Variants in SOX5 observed in about 807,000 individuals in gnomAD.
The protein encoded by SOX5 is SRY-box transcription factor 5.
A neutral mutation model predicts 92.0 loss-of-function variants in SOX5; 9 were observed. That is an observed-to-expected ratio of 0.10 (90% CI 0.06 to 0.17). SOX5 has a LOEUF of 0.17. SOX5 is among the 10% of genes least tolerant of loss of function. SOX5 has a pLI of 1.00. For missense variants in SOX5, 642 were observed against 944.5 expected, an observed-to-expected ratio of 0.68 and a Z score of 4.20; for synonymous variants, 344 against 336.3, an observed-to-expected ratio of 1.02 and a Z score of -0.25.
At chr12:23,631,626 G>A (rs563338758) in intron 8 of SOX5, among the ~76,000 whole-genome samples, 1 of 152,042 alleles carries the variant, frequency 6.6e-6, no homozygotes, top group Non-Finnish European at 1.5e-5. Context: ...TCAAGGAATG[G>A]GCATGGACTT....
intron 2 of SOX5, among the ~76,000 whole-genome samples, chr12:24,365,600 GA>G (rs1241754942): frequency 1.4e-5 from 2 of 142,298 alleles, no homozygotes; most frequent in South Asian, 2.2e-4. Context: ...TGGATAAGAA[GA>G]AAAAAAATCA....
chr12:24,484,917 C>A (rs1430314811), intron 1 of SOX5, among the ~76,000 whole-genome samples: 1 of 152,064 alleles, frequency 6.6e-6, no homozygotes, highest in African/African-American at 2.4e-5. Context: ...TACTAGAGAT[C>A]ATTTTTAAAA....
intron 1 of SOX5, among the ~76,000 whole-genome samples, chr12:24,542,254 G>A (rs994845023): frequency 3.9e-5 from 6 of 152,090 alleles, no homozygotes; most frequent in Non-Finnish European, 7.4e-5. Context: ...AGATTTGTAC[G>A]TGCTGTTCTC....
At chr12:23,643,874 A>G (rs189028853) in intron 7 of SOX5, among the ~76,000 whole-genome samples, 9 of 152,248 alleles carry the variant, frequency 5.9e-5, no homozygotes, top group Non-Finnish European at 2.9e-5. Flanking sequence ...CTCGCTTTTC[A>G]ATGCAAGATT....
chr12:23,630,713 C>G (rs2078426651), intron 8 of SOX5, among the ~76,000 whole-genome samples: 1 of 151,894 alleles, frequency 6.6e-6, no homozygotes, highest in African/African-American at 2.4e-5. Flanking sequence ...ACCCACTTTA[C>G]AGACAAGAAA....
At chr12:24,242,637 C>A in intron 3 of SOX5, among the ~76,000 whole-genome samples, 1 of 131,488 alleles carries the variant, frequency 7.6e-6, no homozygotes. Context: ...ATGAAAACTC[C>A]AATAAGATAT....
chr12:23,913,107 G>A (rs979289520), intron 1 of SOX5, among the ~76,000 whole-genome samples: 1 of 152,120 alleles, frequency 6.6e-6, no homozygotes, highest in African/African-American at 2.4e-5. Context: ...AAGCCTCACA[G>A]TTAGAAAGTG....
intron 4 of SOX5, among the ~76,000 whole-genome samples, chr12:24,073,398 C>T (rs1005251438): frequency 1.3e-5 from 2 of 152,188 alleles, no homozygotes; most frequent in African/African-American, 2.4e-5. Context: ...ACAATCTTGA[C>T]TCTAATCTTT....
At chr12:23,763,668 G>C (rs1433966227) in intron 3 of SOX5, among the ~76,000 whole-genome samples, 3 of 149,256 alleles carry the variant, frequency 2.0e-5, no homozygotes, top group Non-Finnish European at 4.5e-5. Flanking sequence ...TTTTTTCTTT[G>C]TTTGACAGTT....
At chr12:23,910,653 G>C (rs2097341831) in intron 1 of SOX5, among the ~76,000 whole-genome samples, 1 of 151,924 alleles carries the variant, frequency 6.6e-6, no homozygotes, top group Non-Finnish European at 1.5e-5. Context: ...TCTATTTCAG[G>C]GTGCCTTTTG....
At chr12:24,246,384 AT>A (rs1010336968) in intron 3 of SOX5, among the ~76,000 whole-genome samples, 2 of 152,130 alleles carry the variant, frequency 1.3e-5, no homozygotes, top group African/African-American at 4.8e-5. Flanking sequence ...TTAAAAAAAA[AT>A]TCAAGGAAAT....
intron 4 of SOX5, among the ~76,000 whole-genome samples, chr12:24,163,828 C>A (rs898888024): frequency 6.6e-6 from 1 of 152,024 alleles, no homozygotes; most frequent in East Asian, 1.9e-4. Flanking sequence ...TCTGTCTTTG[C>A]CCATTTCTTT....
chr12:24,101,451 C>A (rs1946083113), intron 4 of SOX5, among the ~76,000 whole-genome samples: 1 of 152,106 alleles, frequency 6.6e-6, no homozygotes, highest in African/African-American at 2.4e-5. Context: ...TCGTTTCAAT[C>A]TACAATTACC....
intron 3 of SOX5, among the ~76,000 whole-genome samples, chr12:24,219,042 A>G (rs1436788004): frequency 6.6e-6 from 1 of 152,110 alleles, no homozygotes; most frequent in Admixed American, 6.5e-5. Context: ...AGAATTTTGT[A>G]AAACCATAGA....
chr12:24,128,034 G>T (rs988741329), intron 4 of SOX5, among the ~76,000 whole-genome samples: 3 of 152,110 alleles, frequency 2.0e-5, no homozygotes, highest in African/African-American at 7.2e-5. Flanking sequence ...AGTTTTTAGT[G>T]GTGGTATTCT....
chr12:24,168,751 A>G (rs999407790), intron 4 of SOX5, among the ~76,000 whole-genome samples: 4 of 152,236 alleles, frequency 2.6e-5, no homozygotes, highest in South Asian at 2.1e-4. Context: ...AAGCCCCATC[A>G]TTGTATAAAC....
At chr12:24,507,896 A>T (rs1316211635) in intron 1 of SOX5, among the ~76,000 whole-genome samples, 1 of 152,182 alleles carries the variant, frequency 6.6e-6, no homozygotes, top group Non-Finnish European at 1.5e-5. Context: ...GAAAATTTCC[A>T]TAATTTTTTT....
At chr12:24,127,406 G>GATA (rs35206737) in intron 4 of SOX5, among the ~76,000 whole-genome samples, 67,563 of 146,992 alleles carry the variant, frequency 0.46, 15,724 homozygotes, top group East Asian at 0.61. Context: ...TAATAATAAT[G>GATA]ATAATAATAA....
intron 2 of SOX5, among the ~76,000 whole-genome samples, chr12:24,298,841 G>A (rs1947616884): frequency 7.1e-6 from 1 of 141,652 alleles, no homozygotes; most frequent in Non-Finnish European, 1.6e-5. Context: ...TTTTTGGAAG[G>A]TTAAATTTTT....
Sources: allele counts gnomAD v4.1 joint callset (sites outside exome capture counted in the v4.1 genomes callset), GRCh38; gene constraint gnomAD v4.1.1; transcripts MANE v1.5; gene names NCBI Gene and HGNC (gene_info 2026-07-23, HGNC 2026-07-21).